Variants in TOP6BL observed in about 807,000 individuals in gnomAD.
TOP6BL encodes TOP6B like initiator of meiotic double strand breaks.
chr11:66,822,683 G>T, the TOP6BL span: 6 of 1,525,436 alleles, frequency 3.9e-6, no homozygotes, highest in Non-Finnish European at 5.3e-6. Context: ...AAGTTAGTAG[G>T]AGATTGGGAT....
chr11:66,840,965 A>G, the TOP6BL span, among the ~76,000 whole-genome samples: 3 of 151,942 alleles, frequency 2.0e-5, no homozygotes, highest in Non-Finnish European at 2.9e-5. Context: ...CAGCTGGGAG[A>G]TTCATTTGCT....
the TOP6BL span, among the ~76,000 whole-genome samples, chr11:66,832,121 G>A: frequency 2.7e-5 from 4 of 148,486 alleles, no homozygotes; most frequent in East Asian, 6.0e-4. Flanking sequence ...TTTTTGAGAC[G>A]GAGTCTCACT....
the TOP6BL span, among the ~76,000 whole-genome samples, chr11:66,805,590 G>A: frequency 1.3e-5 from 2 of 151,926 alleles, no homozygotes; most frequent in African/African-American, 4.8e-5. Flanking sequence ...GCCTCCTAGA[G>A]ACCACAGGTG....
chr11:66,784,197 A>AT, the TOP6BL span, among the ~76,000 whole-genome samples: 7 of 150,688 alleles, frequency 4.6e-5, no homozygotes, highest in East Asian at 1.9e-4. Context: ...AGCCTGGCTA[A>AT]TTTTTTTTTG....
the TOP6BL span, among the ~76,000 whole-genome samples, chr11:66,769,779 C>T: frequency 4.6e-5 from 7 of 151,710 alleles, no homozygotes; most frequent in Middle Eastern, 3.4e-3. Flanking sequence ...CTCACTCTGT[C>T]GCCCAGGCTG....
At chr11:66,804,970 G>A in the TOP6BL span, among the ~76,000 whole-genome samples, 4 of 152,180 alleles carry the variant, frequency 2.6e-5, no homozygotes, top group African/African-American at 7.2e-5. Flanking sequence ...AGGAGGCTGA[G>A]GCAGGATAAT....
chr11:66,827,482 C>T, the TOP6BL span, among the ~76,000 whole-genome samples: 170 of 152,084 alleles, frequency 1.1e-3, no homozygotes, highest in Non-Finnish European at 1.1e-3. Flanking sequence ...TACCTATTTC[C>T]TGTGGGTGCA....
chr11:66,836,700 ATTTT>A, the TOP6BL span, among the ~76,000 whole-genome samples: 1 of 107,650 alleles, frequency 9.3e-6, no homozygotes, highest in Non-Finnish European at 1.8e-5. Context: ...AGAAAATATG[ATTTT>A]TTTTTTTTTT....
chr11:66,812,185 C>CTTTTTT, the TOP6BL span, among the ~76,000 whole-genome samples: 1 of 140,300 alleles, frequency 7.1e-6, no homozygotes, highest in African/African-American at 2.7e-5. Flanking sequence ...GAGTTTGCAT[C>CTTTTTT]TTTTTTTTTG....
the TOP6BL span, among the ~76,000 whole-genome samples, chr11:66,815,057 A>C: frequency 1.3e-5 from 2 of 152,200 alleles, no homozygotes; most frequent in African/African-American, 4.8e-5. Flanking sequence ...GACGACCAGT[A>C]GGGAAGAGGT....
the TOP6BL span, among the ~76,000 whole-genome samples, chr11:66,783,770 A>G: frequency 2.0e-5 from 3 of 152,192 alleles, no homozygotes; most frequent in Non-Finnish European, 4.4e-5. Flanking sequence ...TTCATATATC[A>G]TAAACACAAC....
At chr11:66,842,808 G>A in the TOP6BL span, 3 of 1,516,260 alleles carry the variant, frequency 2.0e-6, no homozygotes, top group Admixed American at 4.3e-5. Context: ...TCCTAGCACA[G>A]GGCCATGAAA....
At chr11:66,811,053 G>A in the TOP6BL span, among the ~76,000 whole-genome samples, 1 of 151,264 alleles carries the variant, frequency 6.6e-6, no homozygotes, top group African/African-American at 2.4e-5. Flanking sequence ...TCCTAAGCTC[G>A]TGTGACCTTC....
chr11:66,822,928 C>A, the TOP6BL span, among the ~76,000 whole-genome samples: 2 of 151,126 alleles, frequency 1.3e-5, no homozygotes, highest in East Asian at 3.9e-4. Flanking sequence ...CAACTGAGCC[C>A]GGGATGTTGA....
chr11:66,809,852 T>G, the TOP6BL span, among the ~76,000 whole-genome samples: 7 of 152,166 alleles, frequency 4.6e-5, no homozygotes, highest in Non-Finnish European at 8.8e-5. Flanking sequence ...ACTACAAGCA[T>G]GCACCATCAT....
the TOP6BL span, chr11:66,788,405 C>T: frequency 1.6e-6 from 1 of 619,510 alleles, no homozygotes; most frequent in South Asian, 2.3e-5. Context: ...CCCAAACTTG[C>T]CTGTGCAGAC....
chr11:66,822,087 T>A, the TOP6BL span, among the ~76,000 whole-genome samples: 1 of 152,226 alleles, frequency 6.6e-6, no homozygotes, highest in Non-Finnish European at 1.5e-5. Context: ...CTGGAGCTGC[T>A]GTTTCGCTGT....
At chr11:66,755,547 T>C in the TOP6BL span, among the ~76,000 whole-genome samples, 1 of 152,228 alleles carries the variant, frequency 6.6e-6, no homozygotes, top group African/African-American at 2.4e-5. Context: ...AATAAACGTG[T>C]GTGTTCAATC....
the TOP6BL span, among the ~76,000 whole-genome samples, chr11:66,745,894 T>G: frequency 6.6e-6 from 1 of 152,236 alleles, no homozygotes; most frequent in Non-Finnish European, 1.5e-5. Context: ...CACCGCAGTC[T>G]CCGCCTCTCG....
Sources: gnomAD v4.1 joint callset for allele counts (sites outside exome capture counted in the v4.1 genomes callset) on GRCh38, gnomAD v4.1.1 for gene constraint, MANE v1.5 for transcripts, NCBI Gene and HGNC (gene_info 2026-07-23, HGNC 2026-07-21) for gene names.